The following LINGO2 variants were observed in gnomAD, a reference collection of about 807,000 sequenced individuals.
The protein encoded by LINGO2 is leucine-rich repeat and immunoglobulin-like domain-containing nogo receptor-interacting protein 2.
Under a neutral mutation model 30.6 loss-of-function variants are expected in LINGO2, and 14 were observed. The observed-to-expected ratio is 0.46, with a 90% CI of 0.30 to 0.72. The LOEUF is 0.72. LINGO2 is among the 30% of genes least tolerant of loss of function. LINGO2 has a pLI of 0.07. For synonymous variants in LINGO2, 317 were observed against 288.5 expected (o/e 1.10, Z -1.00); for missense variants, 729 against 751.7 (o/e 0.97, Z 0.35).
At chr9:28,379,003 G>GACA (rs1396744760) in intron 2 of LINGO2, among the ~76,000 whole-genome samples, 1 of 152,094 alleles carries the variant, frequency 6.6e-6, no homozygotes, top group African/African-American at 2.4e-5. Context: ...GATAAAGACG[G>GACA]ACAAAGGCAT....
chr9:28,969,344 A>G, the LINGO2 span, among the ~76,000 whole-genome samples: 1 of 152,196 alleles, frequency 6.6e-6, no homozygotes, highest in Non-Finnish European at 1.5e-5. Flanking sequence ...GAGTAACAGC[A>G]AGTATAAAGA....
the LINGO2 span, among the ~76,000 whole-genome samples, chr9:28,860,258 A>T: frequency 6.6e-6 from 1 of 152,086 alleles, no homozygotes; most frequent in Non-Finnish European, 1.5e-5. Flanking sequence ...TTGGTCAGAC[A>T]TTATGCTAGA....
chr9:28,407,642 G>A (rs948850769), intron 2 of LINGO2, among the ~76,000 whole-genome samples: 1 of 152,140 alleles, frequency 6.6e-6, no homozygotes, highest in Non-Finnish European at 1.5e-5. Flanking sequence ...AGCAAAACAA[G>A]TGTGAAAGTA....
intron 4 of LINGO2, among the ~76,000 whole-genome samples, chr9:28,171,951 G>A (rs1314167766): frequency 7.1e-6 from 1 of 140,388 alleles, no homozygotes; most frequent in African/African-American, 2.6e-5. Flanking sequence ...TCAGGAGGCA[G>A]AGCTTGCAGT....
At chr9:28,879,976 A>C in the LINGO2 span, among the ~76,000 whole-genome samples, 4 of 152,230 alleles carry the variant, frequency 2.6e-5, no homozygotes, top group Non-Finnish European at 5.9e-5. Flanking sequence ...TTACTTAAAT[A>C]AAAGAATGCC....
chr9:28,516,569 C>T (rs1361360098), intron 1 of LINGO2, among the ~76,000 whole-genome samples: 1 of 152,076 alleles, frequency 6.6e-6, no homozygotes, highest in Non-Finnish European at 1.5e-5. Context: ...CTGCAACCTG[C>T]TTTTCCAAGT....
the LINGO2 span, among the ~76,000 whole-genome samples, chr9:29,200,674 C>T: frequency 6.6e-6 from 1 of 152,024 alleles, no homozygotes; most frequent in Admixed American, 6.6e-5. Flanking sequence ...CATGAACAAA[C>T]AAAAGTTACA....
the LINGO2 span, among the ~76,000 whole-genome samples, chr9:28,862,885 A>G: frequency 4.6e-5 from 7 of 152,264 alleles, 1 homozygote; most frequent in Middle Eastern, 0.01. Flanking sequence ...GGGATAATCC[A>G]TTCTTGGTAA....
chr9:28,225,883 C>T (rs1003178909), intron 4 of LINGO2, among the ~76,000 whole-genome samples: 9 of 152,020 alleles, frequency 5.9e-5, no homozygotes, highest in Non-Finnish European at 8.8e-5. Flanking sequence ...AAACAAATGG[C>T]CATTTTGAAT....
At chr9:28,635,642 A>G (rs1483828864) in intron 1 of LINGO2, among the ~76,000 whole-genome samples, 2 of 152,174 alleles carry the variant, frequency 1.3e-5, no homozygotes, top group African/African-American at 2.4e-5. Flanking sequence ...TAATTACTAA[A>G]TAAGGTTTAA....
intron 1 of LINGO2, among the ~76,000 whole-genome samples, chr9:28,612,216 C>G (rs1005759324): frequency 6.6e-6 from 1 of 152,018 alleles, no homozygotes; most frequent in African/African-American, 2.4e-5. Context: ...CTTGTGTTAC[C>G]AAGTCCAGCT....
intron 4 of LINGO2, among the ~76,000 whole-genome samples, chr9:28,094,734 TAAC>T (rs1453149334): frequency 1.1e-4 from 17 of 152,206 alleles, no homozygotes; most frequent in Admixed American, 8.5e-4. Flanking sequence ...TGTCTTTCAT[TAAC>T]AACATTTGAG....
At chr9:28,055,566 C>T (rs929187068) in intron 4 of LINGO2, among the ~76,000 whole-genome samples, 2 of 152,104 alleles carry the variant, frequency 1.3e-5, no homozygotes, top group South Asian at 4.1e-4. Flanking sequence ...ATTCTTCGTT[C>T]GAAGTGTAAG....
At chr9:29,021,779 A>C in the LINGO2 span, among the ~76,000 whole-genome samples, 272 of 152,262 alleles carry the variant, frequency 1.8e-3, no homozygotes, top group African/African-American at 6.2e-3. Context: ...GTATATACAT[A>C]TATCAAGACA....
chr9:28,135,310 G>T (rs1827488089), intron 4 of LINGO2, among the ~76,000 whole-genome samples: 1 of 151,982 alleles, frequency 6.6e-6, no homozygotes, highest in Admixed American at 6.6e-5. Context: ...AAAGAAAAAA[G>T]AGATGAAATA....
At chr9:28,100,586 A>G (rs921521071) in intron 4 of LINGO2, among the ~76,000 whole-genome samples, 1 of 152,190 alleles carries the variant, frequency 6.6e-6, no homozygotes, top group African/African-American at 2.4e-5. Flanking sequence ...AGTATGTAGA[A>G]GAAGACAATT....
the LINGO2 span, among the ~76,000 whole-genome samples, chr9:28,884,190 T>C: frequency 6.6e-6 from 1 of 151,914 alleles, no homozygotes; most frequent in Admixed American, 6.6e-5. Flanking sequence ...TTATTTTCCC[T>C]TACAGTTTTT....
Position 28,550,643 on chromosome 9 carries a change from C to G in LINGO2, c.-364-74618G>C, listed in dbSNP as rs562468797. On this transcript the variant is annotated intron_variant, in intron 1 of 5. Coordinates refer to ENST00000379992, the Ensembl canonical transcript of LINGO2. ...CTTCTTGGGCTTTGAATTGCTGCTG[C>G]AATTGAACTTATCTTTGAATATTAA... Among the ~76,000 whole-genome samples, 371 of 151,802 alleles carry G rather than the reference C, an allele frequency of 2.4e-3. 1 individual carries two copies. Among genetic ancestry groups the G allele is most frequent in the African/African-American group, 8.0e-3 (330 of 41,480 alleles).
At chr9:28,226,541 A>C (rs1260737395) in intron 4 of LINGO2, among the ~76,000 whole-genome samples, 1 of 151,790 alleles carries the variant, frequency 6.6e-6, no homozygotes, top group Non-Finnish European at 1.5e-5. Context: ...AAGAAGAGAA[A>C]TAGAACACAT....
Sources: gnomAD v4.1 joint callset for allele counts (sites outside exome capture counted in the v4.1 genomes callset) on GRCh38, gnomAD v4.1.1 for gene constraint, MANE v1.5 for transcripts, NCBI Gene and HGNC (gene_info 2026-07-23, HGNC 2026-07-21) for gene names.